Variants in MPP7 observed in about 807,000 individuals in gnomAD.
The protein encoded by MPP7 is MAGUK p55 subfamily member 7.
Under a neutral mutation model 76.5 loss-of-function variants are expected in MPP7, and 60 were observed. The observed-to-expected ratio is 0.78, with a 90% CI of 0.64 to 0.97. The LOEUF (loss-of-function observed/expected upper bound fraction) is 0.97, where lower values mean the gene tolerates loss of function less well. Among genes scored for constraint, MPP7 ranks in the 50% least tolerant of loss-of-function variants. The pLI, the probability that MPP7 is intolerant of heterozygous loss-of-function variation, is 0.00. For missense variants in MPP7, 641 were observed against 694.0 expected, an observed-to-expected ratio of 0.92 and a Z score of 0.86; for synonymous variants, 237 against 244.5, an observed-to-expected ratio of 0.97 and a Z score of 0.29.
chr10:28,249,478 A>C (rs762327612), intron 1 of MPP7, among the ~76,000 whole-genome samples: 5 of 152,174 alleles, frequency 3.3e-5, no homozygotes, highest in Non-Finnish European at 7.4e-5. Context: ...AGTCCCAGCT[A>C]TTCGAGAGGC....
At chr10:28,165,552 G>C (rs199635018) in intron 3 of MPP7, among the ~76,000 whole-genome samples, 1 of 133,752 alleles carries the variant, frequency 7.5e-6, no homozygotes, top group Non-Finnish European at 1.6e-5. Flanking sequence ...AAAAAAAAAA[G>C]AAAGAAGCCT....
intron 3 of MPP7, among the ~76,000 whole-genome samples, chr10:28,195,569 A>G (rs1837554106): frequency 6.6e-6 from 1 of 152,238 alleles, no homozygotes; most frequent in Non-Finnish European, 1.5e-5. Flanking sequence ...GGAATTAAGT[A>G]CTGATACATG....
chr10:28,172,290 T>C (rs947971466), intron 3 of MPP7, among the ~76,000 whole-genome samples: 1 of 152,228 alleles, frequency 6.6e-6, no homozygotes, highest in Non-Finnish European at 1.5e-5. Context: ...AAATACGTGA[T>C]TTAGAAATAG....
At chr10:28,102,515 C>T (rs936850234) in intron 11 of MPP7, among the ~76,000 whole-genome samples, 4 of 152,120 alleles carry the variant, frequency 2.6e-5, no homozygotes, top group Non-Finnish European at 5.9e-5. Context: ...AAGTATAATT[C>T]TCATAAAAAT....
At chr10:28,190,586 A>G (rs1462345001) in intron 3 of MPP7, among the ~76,000 whole-genome samples, 1 of 152,230 alleles carries the variant, frequency 6.6e-6, no homozygotes, top group Non-Finnish European at 1.5e-5. Flanking sequence ...TGGGTCAAAG[A>G]AGAATTCTCA....
chr10:28,161,507 G>A (rs1414673463), intron 3 of MPP7, among the ~76,000 whole-genome samples: 2 of 151,968 alleles, frequency 1.3e-5, no homozygotes, highest in Non-Finnish European at 2.9e-5. Flanking sequence ...AGCTTTGCAG[G>A]CATGAATAAT....
At chr10:28,321,758 T>C (rs1434747594) in intron 2 of MPP7, among the ~76,000 whole-genome samples, 1 of 152,046 alleles carries the variant, frequency 6.6e-6, no homozygotes, top group Non-Finnish European at 1.5e-5. Context: ...CTAATTTTTA[T>C]ATTTTTTAGT....
chr10:28,318,322 T>C (rs1237653464), intron 2 of MPP7, among the ~76,000 whole-genome samples: 1 of 152,124 alleles, frequency 6.6e-6, no homozygotes, highest in African/African-American at 2.4e-5. Flanking sequence ...GATAATGAGG[T>C]CTCCACTGAG....
intron 2 of MPP7, among the ~76,000 whole-genome samples, chr10:28,238,153 A>G (rs1234848014): frequency 2.0e-5 from 3 of 152,104 alleles, no homozygotes; most frequent in African/African-American, 7.2e-5. Context: ...GGGTAAGGAT[A>G]ATGTTTTATT....
intron 3 of MPP7, among the ~76,000 whole-genome samples, chr10:28,173,054 A>G (rs1185897469): frequency 2.6e-5 from 4 of 152,104 alleles, no homozygotes; most frequent in Non-Finnish European, 5.9e-5. Flanking sequence ...TGTTTGATCG[A>G]CTTTTAAATA....
chr10:28,173,941 T>TA (rs1367682216), intron 3 of MPP7, among the ~76,000 whole-genome samples: 1 of 152,058 alleles, frequency 6.6e-6, no homozygotes, highest in Non-Finnish European at 1.5e-5. Flanking sequence ...TTTCTGCAAA[T>TA]AAGACACTGT....
At chr10:28,316,434 TTAAAAAAAAAAA>T (rs1834321002) in intron 2 of MPP7, among the ~76,000 whole-genome samples, 1 of 61,608 alleles carries the variant, frequency 1.6e-5, no homozygotes, top group South Asian at 5.5e-4. Context: ...GACTCTGTCT[TTAAAAAAAAAAA>T]AAAAAAAAAA....
chr10:28,187,625 C>A (rs972812868), intron 3 of MPP7, among the ~76,000 whole-genome samples: 1 of 152,202 alleles, frequency 6.6e-6, no homozygotes, highest in Non-Finnish European at 1.5e-5. Flanking sequence ...CCTCTCCCTT[C>A]CCCAAACAGC....
intron 2 of MPP7, among the ~76,000 whole-genome samples, chr10:28,224,225 A>C (rs910839107): frequency 4.6e-5 from 7 of 152,092 alleles, no homozygotes; most frequent in African/African-American, 1.4e-4. Flanking sequence ...CACAGAGGTG[A>C]GAAAATTCAA....
At chr10:28,293,204 G>GA (rs1033921726) in intron 1 of MPP7, among the ~76,000 whole-genome samples, 1 of 151,988 alleles carries the variant, frequency 6.6e-6, no homozygotes, top group African/African-American at 2.4e-5. Context: ...AATTAGGGCA[G>GA]AAAAATGGGA....
rs980736801 is a variant in MPP7 at position 28,302,863 on chromosome 10, G to A, written c.-134C>T. The stretch of plus-strand genomic sequence containing the variant: ...GCTCCCCAGAGGCGCCCCATTACCT[G>A]CTCTGGGCTGCCGCGGTCCGCGGGC... On this transcript the variant is annotated splice_region_variant and 5_prime_UTR_variant, in exon 1 of 17. Transcript: ENST00000683449. Among the ~76,000 whole-genome samples the A allele has an allele frequency of 8.5e-5, 13 of 152,106 alleles. No individual in the cohort carries two copies. The highest frequency in any genetic ancestry group is 2.9e-4 in the African/African-American group (12 of 41,430).
chr10:28,213,164 G>T (rs7893878), intron 2 of MPP7, among the ~76,000 whole-genome samples: 27,164 of 151,912 alleles, frequency 0.18, 2,760 homozygotes, highest in African/African-American at 0.27. Flanking sequence ...GGTCTCAAAC[G>T]CCTAAACTCA....
upstream of MPP7, among the ~76,000 whole-genome samples, chr10:28,334,809 T>C (rs1473925918): frequency 2.0e-5 from 3 of 152,222 alleles, no homozygotes; most frequent in African/African-American, 7.2e-5. Context: ...TACATTTTCT[T>C]TCTCACCCTT....
At chr10:28,276,828 T>C (rs1840514573) in intron 1 of MPP7, among the ~76,000 whole-genome samples, 1 of 152,054 alleles carries the variant, frequency 6.6e-6, no homozygotes, top group African/African-American at 2.4e-5. Context: ...TAAGACTTGA[T>C]AGGATTAGGA....
Sources: gnomAD v4.1 joint callset for allele counts (sites outside exome capture counted in the v4.1 genomes callset) on GRCh38, gnomAD v4.1.1 for gene constraint, MANE v1.5 for transcripts, NCBI Gene and HGNC (gene_info 2026-07-23, HGNC 2026-07-21) for gene names.